The following ATP8B4 variants were observed in gnomAD, a reference collection of about 807,000 sequenced individuals.
The protein encoded by ATP8B4 is probable phospholipid-transporting ATPase IM.
Under a neutral mutation model 145.6 loss-of-function variants are expected in ATP8B4, and 133 were observed. The observed-to-expected ratio is 0.91, with a 90% CI of 0.79 to 1.05. The LOEUF (loss-of-function observed/expected upper bound fraction) is 1.05, where lower values mean the gene tolerates loss of function less well. ATP8B4 is among the 50% of genes least tolerant of loss of function. The pLI, the probability that ATP8B4 is intolerant of heterozygous loss-of-function variation, is 0.00. For synonymous variants in ATP8B4, 507 were observed against 492.9 expected (o/e 1.03, Z -0.38); for missense variants, 1,458 against 1,425.2 (o/e 1.02, Z -0.37).
intron 27 of ATP8B4, 98 bp downstream of exon 27, chr15:49,862,147 T>A: frequency 7.0e-7 from 1 of 1,434,352 alleles, no homozygotes; most frequent in South Asian, 1.3e-5. Flanking sequence ...TTGTGACAAT[T>A]TCATTAGCCC....
intron 10 of ATP8B4, among the ~76,000 whole-genome samples, chr15:49,983,230 G>A (rs552686998): frequency 3.3e-5 from 5 of 152,250 alleles, no homozygotes; most frequent in South Asian, 4.2e-4. Flanking sequence ...TTAAACCTAC[G>A]TATTTTGTTG....
At chr15:49,986,874 C>CT (rs1263291999) in intron 10 of ATP8B4, among the ~76,000 whole-genome samples, 3 of 151,198 alleles carry the variant, frequency 2.0e-5, no homozygotes, top group African/African-American at 7.3e-5. Context: ...CCCACCCACC[C>CT]CCATCATGCA....
chr15:50,082,720 A>G (rs12101998), intron 2 of ATP8B4, among the ~76,000 whole-genome samples: 77 of 152,328 alleles, frequency 5.1e-4, no homozygotes, highest in African/African-American at 1.8e-3. Context: ...ATGACTAGAG[A>G]TTTAAGACTT....
At chr15:49,940,699 G>T (rs930431930) in intron 14 of ATP8B4, among the ~76,000 whole-genome samples, 8 of 152,112 alleles carry the variant, frequency 5.3e-5, no homozygotes, top group Admixed American at 2.0e-4. Flanking sequence ...AGAATAAGGG[G>T]CTAGGTCCTC....
chr15:50,154,862 G>A (rs1939537307), intron 1 of ATP8B4, among the ~76,000 whole-genome samples: 1 of 152,056 alleles, frequency 6.6e-6, no homozygotes, highest in Non-Finnish European at 1.5e-5. Context: ...TTTTGGTAGA[G>A]ACAGGGTTTC....
chr15:50,125,793 T>A lies in ATP8B4; in HGVS notation c.-42-18785A>T, dbSNP rs778471257. Among the ~76,000 whole-genome samples, 112 of 152,230 alleles carry A rather than the reference T, an allele frequency of 7.4e-4. 1 individual carries two copies. Among genetic ancestry groups the A allele is most frequent in the Non-Finnish European group, 3.4e-4 (23 of 68,024 alleles). On this transcript the variant is annotated intron_variant, in intron 1 of 3. Coordinates refer to the ATP8B4 transcript ENST00000558829. Reference sequence around the variant, plus strand: ...CATATAGCCAATCAATAACTTATGTTATTTTTAATGTAAATTCTTGGTAAA... The same window carrying A: ...CATATAGCCAATCAATAACTTATGTAATTTTTAATGTAAATTCTTGGTAAA...
chr15:49,890,936 C>T (rs1176164310), intron 23 of ATP8B4, among the ~76,000 whole-genome samples: 2 of 152,188 alleles, frequency 1.3e-5, no homozygotes, highest in African/African-American at 4.8e-5. Flanking sequence ...CTAGAACAGG[C>T]TTCTTGCTAT....
At chr15:49,910,952 C>A (rs531395884) in intron 20 of ATP8B4, among the ~76,000 whole-genome samples, 1 of 152,078 alleles carries the variant, frequency 6.6e-6, no homozygotes, top group South Asian at 2.1e-4. Context: ...TTAAGAACAA[C>A]ACATAAAAGT....
intron 11 of ATP8B4, 77 bp downstream of exon 11, chr15:49,981,129 T>C: frequency 7.8e-7 from 1 of 1,282,876 alleles, no homozygotes; most frequent in Non-Finnish European, 1.1e-6. Flanking sequence ...GTAGGCTTCT[T>C]AAAGAATTCC....
intron 6 of ATP8B4, among the ~76,000 whole-genome samples, chr15:50,027,257 T>C (rs2050073935): frequency 6.6e-6 from 1 of 152,206 alleles, no homozygotes; most frequent in African/African-American, 2.4e-5. Flanking sequence ...TATTTGTCCA[T>C]CTCTTCCCCT....
At chr15:50,018,297 T>C (rs540259420) in intron 6 of ATP8B4, among the ~76,000 whole-genome samples, 1 of 152,276 alleles carries the variant, frequency 6.6e-6, no homozygotes, top group Non-Finnish European at 1.5e-5. Context: ...CCTAGAATTC[T>C]TAATGAGTTC....
intron 1 of ATP8B4, among the ~76,000 whole-genome samples, chr15:50,175,610 C>G (rs1333509208): frequency 6.6e-6 from 1 of 152,184 alleles, no homozygotes; most frequent in Non-Finnish European, 1.5e-5. Context: ...CTCAACATCA[C>G]TAATGATCAA....
At chr15:49,980,721 G>A (rs974479463) in intron 11 of ATP8B4, among the ~76,000 whole-genome samples, 8 of 152,132 alleles carry the variant, frequency 5.3e-5, no homozygotes, top group Admixed American at 2.0e-4. Flanking sequence ...AAATGAAAAC[G>A]TGGGACCTTC....
chr15:50,094,269 C>T (rs963185197), intron 2 of ATP8B4, among the ~76,000 whole-genome samples: 1 of 152,082 alleles, frequency 6.6e-6, no homozygotes, highest in Non-Finnish European at 1.5e-5. Context: ...GTAGAAGGAA[C>T]TCCTCTTGCC....
At chr15:50,015,642 G>C (rs2049033581) in intron 6 of ATP8B4, among the ~76,000 whole-genome samples, 1 of 152,164 alleles carries the variant, frequency 6.6e-6, no homozygotes, top group Non-Finnish European at 1.5e-5. Flanking sequence ...ATGATCCCCT[G>C]ACACAAACAC....
chr15:49,956,601 G>C (rs1386823713), intron 14 of ATP8B4, among the ~76,000 whole-genome samples: 1 of 152,166 alleles, frequency 6.6e-6, no homozygotes, highest in Non-Finnish European at 1.5e-5. Flanking sequence ...GAATGCAGTG[G>C]CGAGATCATG....
chr15:50,012,317 T>A (rs2048775354), intron 6 of ATP8B4, among the ~76,000 whole-genome samples: 1 of 152,184 alleles, frequency 6.6e-6, no homozygotes, highest in African/African-American at 2.4e-5. Flanking sequence ...TATTGTGTCA[T>A]TTTTGGAAAC....
At chr15:49,936,514 G>C (rs2041746522) in intron 14 of ATP8B4, among the ~76,000 whole-genome samples, 1 of 152,056 alleles carries the variant, frequency 6.6e-6, no homozygotes, top group Non-Finnish European at 1.5e-5. Flanking sequence ...TGGTAAATCT[G>C]ATGTTAGTCT....
At chr15:50,134,225 A>C (rs7163385) in intron 1 of ATP8B4, among the ~76,000 whole-genome samples, 4,496 of 152,270 alleles carry the variant, frequency 0.03, 220 homozygotes, top group African/African-American at 0.1. Context: ...AAAAGTAAAA[A>C]TAAATAAAAA....
Sources: gnomAD v4.1 joint callset for allele counts (sites outside exome capture counted in the v4.1 genomes callset) on GRCh38, gnomAD v4.1.1 for gene constraint, MANE v1.5 for transcripts, NCBI Gene and HGNC (gene_info 2026-07-23, HGNC 2026-07-21) for gene names.